Variants in UBE3C observed in about 807,000 individuals in gnomAD.
UBE3C encodes ubiquitin protein ligase E3C, also known as ubiquitin-protein ligase E3C.
UBE3C carries 42 observed loss-of-function variants against 129.4 expected under a neutral mutation model. That is an observed-to-expected ratio of 0.32 (90% CI 0.25 to 0.42). UBE3C has a LOEUF of 0.42. Ranked by LOEUF, UBE3C falls within the 10% of genes least tolerant of loss-of-function variation. The probability of loss-of-function intolerance (pLI) is 1.00; values close to 1 mark genes in which losing one functional copy is unlikely to be tolerated. For synonymous variants in UBE3C, 510 were observed against 492.4 expected (o/e 1.04, Z -0.47); for missense variants, 1,049 against 1,319.1 (o/e 0.80, Z 3.17).
At chr7:157,256,883 T>C (rs1261815418) in intron 21 of UBE3C, 31 bp from the exon 22 acceptor site, 1 of 1,613,036 alleles carries the variant, frequency 6.2e-7, no homozygotes, top group East Asian at 2.2e-5. Flanking sequence ...GTGCTTTGCA[T>C]TTCATAAAGC....
intron 22 of UBE3C, among the ~76,000 whole-genome samples, chr7:157,258,561 G>C (rs963748122): frequency 1.3e-5 from 2 of 152,226 alleles, no homozygotes; most frequent in Non-Finnish European, 2.9e-5. Context: ...ACAGGGTCAA[G>C]CAATTCTCCT....
intron 1 of UBE3C, chr7:157,140,158 G>A (rs1586636080): frequency 8.6e-6 from 3 of 350,116 alleles, no homozygotes; most frequent in African/African-American, 4.6e-5. Context: ...TCTTGTTCCC[G>A]CCCCTCCCTT....
At chr7:157,185,661 A>G (rs1014759002) in intron 9 of UBE3C, among the ~76,000 whole-genome samples, 1 of 152,174 alleles carries the variant, frequency 6.6e-6, no homozygotes, top group Non-Finnish European at 1.5e-5. Context: ...TCCAAGGTCA[A>G]AGTTCACCCT....
intron 1 of UBE3C, among the ~76,000 whole-genome samples, chr7:157,145,837 C>G (rs1807589816): frequency 1.3e-5 from 2 of 152,194 alleles, no homozygotes; most frequent in Non-Finnish European, 2.9e-5. Flanking sequence ...AACCTCCTCT[C>G]CGCTGCACGC....
Position 157,182,273 on chromosome 7 carries a change from T to A in UBE3C, c.936T>A (p.Ser312Arg), listed in dbSNP as rs774323822. 8.7e-6 allele frequency: 14 copies of A among 1,614,052 alleles called. No individual in the cohort carries two copies. In the Admixed American group the frequency reaches 2.3e-4, roughly 27 times the overall value. Residue 312 changes from serine to arginine, a missense_variant, in exon 8 of 23, where the codon AGT (serine) becomes AGA (arginine). Physicochemically the swap from Ser to Arg is moderately radical, Grantham distance 110 (BLOSUM62 -1). Transcript: ENST00000348165. The stretch of plus-strand genomic sequence containing the variant: ...TAGAGAGTAGATGTTCAAGAAAGAG[T>A]GGTGGAGCACCCTGGCTTTTCTATT... ...LLIESRCSRKSGGAPWLFYFV... is the reference protein window; with the variant it reads ...LLIESRCSRKRGGAPWLFYFV...
Position 157,207,494 on chromosome 7 carries a change from C to T in UBE3C, c.1515C>T (p.Ser505=). Residue 505 remains serine, a synonymous_variant, in exon 12 of 23, where the codon TCC becomes TCT. Transcript: ENST00000348165. ...TCCCACTCTTTTATCTTTTTAGCTC[C>T]TTGTTTAGTCATTCACTAATTTCCA... ...RIIPLFYLFS[S]LFSHSLISIH... is the part of the protein sequence containing the mutation. 1 of 1,613,750 alleles carries T rather than the reference C, an allele frequency of 6.2e-7. No individual in the cohort carries two copies. Among genetic ancestry groups the T allele is most frequent in the Non-Finnish European group, 8.5e-7 (1 of 1,179,964 alleles).
rs777550110 is a variant in UBE3C at position 157,207,904 on chromosome 7, T to C, written c.1778T>C (p.Met593Thr). ...TSSEMQQCIQ[M>T]EQKRWIQLFK... ...TCTGAAATGCAACAATGCATACAGA[T>C]GGAACAGAAAAGATGGATTCAGTTA... Residue 593 changes from methionine (M) to threonine (T), a missense_variant, in exon 13 of 23, where the codon ATG becomes ACG. Physicochemically the swap from Met to Thr is moderately conservative, Grantham distance 81. Coordinates refer to ENST00000348165, the MANE Select transcript of UBE3C (RefSeq NM_014671.3). 1.9e-6 allele frequency: 3 copies of C among 1,606,498 alleles called. No individual in the cohort carries two copies. The highest frequency in any genetic ancestry group is 8.5e-7 in the Non-Finnish European group (1 of 1,177,066).
At position 157,139,326 on chromosome 7, in the gene UBE3C, C is replaced by T; in HGVS notation, c.54C>T (p.Gly18=). Residue 18 remains glycine (G), a synonymous_variant, in exon 1 of 23, where the codon GGC becomes GGT. Coordinates refer to ENST00000348165, the MANE Select transcript of UBE3C (RefSeq NM_014671.3). ...CGCGGCCCAAGGTGTCCCTTGGCGG[C>T]GCGAGCAGGAAGGTGAGGGCCGGGC... ...FKTRPKVSLG[G]ASRKEEKASL... 1 of 1,582,178 alleles carries T rather than the reference C, an allele frequency of 6.3e-7. No homozygotes were observed.
At chr7:157,234,836 A>G (rs1796112879) in intron 18 of UBE3C, among the ~76,000 whole-genome samples, 1 of 152,178 alleles carries the variant, frequency 6.6e-6, no homozygotes, top group Admixed American at 6.5e-5. Context: ...ATGGTCACAC[A>G]GCCTACTTCT....
intron 1 of UBE3C, among the ~76,000 whole-genome samples, chr7:157,148,194 G>C (rs553461992): frequency 6.6e-6 from 1 of 152,096 alleles, no homozygotes; most frequent in South Asian, 2.1e-4. Context: ...TCCATCTCCC[G>C]AATTCAAGTG....
At chr7:157,208,054 ACTTTTTTTTTTTTTTTTTTT>A (rs1809486624) in intron 13 of UBE3C, 119 bp downstream of exon 13, 4 of 114,770 alleles carry the variant, frequency 3.5e-5, no homozygotes, top group African/African-American at 7.2e-5. Context: ...AATTTGCAAG[ACTTTTTTTTTTTTTTTTTTT>A]TTTTTTTTTT....
intron 9 of UBE3C, among the ~76,000 whole-genome samples, chr7:157,184,782 A>G (rs1298818922): frequency 6.6e-6 from 1 of 152,252 alleles, no homozygotes; most frequent in African/African-American, 2.4e-5. Flanking sequence ...AAAGAGCTTC[A>G]CTAGTATCGA....
intron 13 of UBE3C, among the ~76,000 whole-genome samples, chr7:157,212,499 A>G (rs1279454141): frequency 6.6e-6 from 1 of 152,250 alleles, no homozygotes; most frequent in Non-Finnish European, 1.5e-5. Flanking sequence ...TCAGTTAAGC[A>G]AGATTTTCTT....
chr7:157,231,474 A>C (rs556860456), intron 18 of UBE3C, 147 bp downstream of exon 18: 17 of 1,202,658 alleles, frequency 1.4e-5, no homozygotes, highest in South Asian at 6.0e-5. Flanking sequence ...GCACGAAACA[A>C]ATTTGTATGG....
chr7:157,163,157 G>A (rs182170967), intron 1 of UBE3C, among the ~76,000 whole-genome samples: 12 of 151,962 alleles, frequency 7.9e-5, no homozygotes, highest in African/African-American at 2.9e-4. Context: ...AGGCCGAGGC[G>A]GGTGGATCAG....
At chr7:157,212,107 G>A (rs1809611903) in intron 13 of UBE3C, among the ~76,000 whole-genome samples, 1 of 151,870 alleles carries the variant, frequency 6.6e-6, no homozygotes, top group Non-Finnish European at 1.5e-5. Flanking sequence ...CACATTTATT[G>A]CACTTCAGAA....
intron 5 of UBE3C, among the ~76,000 whole-genome samples, chr7:157,177,716 C>CCT (rs1433119130): frequency 1.3e-5 from 2 of 152,218 alleles, no homozygotes; most frequent in Non-Finnish European, 2.9e-5. Flanking sequence ...GTCCTCACCC[C>CCT]CTGTCTCTCC....
Position 157,183,927 on chromosome 7 carries a change from C to T in UBE3C, c.1041C>T (p.Thr347=), listed in dbSNP as rs920807707. 2 of 1,614,062 alleles carry T rather than the reference C, an allele frequency of 1.2e-6. No individual in the cohort carries two copies. Among genetic ancestry groups the T allele is most frequent in the Admixed American group, 1.7e-5 (1 of 60,004 alleles). The change falls in exon 9 of 23, where the codon ACC becomes ACT. Residue 347 remains threonine (T), a synonymous_variant. Transcript: ENST00000348165. ...TGGTGTATTTGCGGGTGCTGCAGAC[C>T]TTCCTCTCTCAGTTACCAGTCTCTC... ...GLLVYLRVLQ[T]FLSQLPVSPA... is the part of the protein sequence containing the mutation.
rs1808817202 is a variant in UBE3C at position 157,186,756 on chromosome 7, A to G, written c.1144-78A>G. 3 of 1,516,468 alleles carry G rather than the reference A, an allele frequency of 2.0e-6. 1 individual carries two copies. Among genetic ancestry groups the G allele is most frequent in the Admixed American group, 1.9e-5 (1 of 52,924 alleles). 93.9% of individuals were successfully genotyped at this position (1,516,468 alleles called of 1,614,324 possible). On this transcript the variant is annotated intron_variant, in intron 9 of 22. Transcript: ENST00000348165. ...CTTTCTTTGCCCGAAGAAAAATGTGATTTCGTATATGTTTGTAGTGTAGAG... is the reference window on the plus strand; with the variant it reads ...CTTTCTTTGCCCGAAGAAAAATGTGGTTTCGTATATGTTTGTAGTGTAGAG...
Sources: allele counts gnomAD v4.1 joint callset (sites outside exome capture counted in the v4.1 genomes callset), GRCh38; gene constraint gnomAD v4.1.1; transcripts MANE v1.5; gene names NCBI Gene and HGNC (gene_info 2026-07-23, HGNC 2026-07-21).